The following PIK3C2G variants were observed in gnomAD, a reference collection of about 807,000 sequenced individuals.
PIK3C2G encodes phosphatidylinositol-4-phosphate 3-kinase catalytic subunit type 2 gamma.
Under a neutral mutation model 181.1 loss-of-function variants are expected in PIK3C2G, and 168 were observed. The observed-to-expected ratio is 0.93, with a 90% CI of 0.82 to 1.05. PIK3C2G has a LOEUF of 1.05. Ranked by LOEUF, PIK3C2G falls within the 50% of genes least tolerant of loss-of-function variation. The pLI is 0.00. For missense variants in PIK3C2G, 1,869 were observed against 1,732.8 expected, an observed-to-expected ratio of 1.08 and a Z score of -1.40; for synonymous variants, 573 against 592.2, an observed-to-expected ratio of 0.97 and a Z score of 0.47.
At chr12:18,691,399 A>C in the PIK3C2G span, among the ~76,000 whole-genome samples, 2 of 152,152 alleles carry the variant, frequency 1.3e-5, no homozygotes, top group African/African-American at 4.8e-5. Flanking sequence ...AATCATGTCC[A>C]ATTAAAGACT....
At chr12:18,498,289 T>C (rs1218853893) in intron 22 of PIK3C2G, among the ~76,000 whole-genome samples, 1 of 152,192 alleles carries the variant, frequency 6.6e-6, no homozygotes, top group Admixed American at 6.5e-5. Flanking sequence ...AAGAAATCAA[T>C]ATGAAAACAT....
chr12:18,503,572 T>G (rs190551274), intron 23 of PIK3C2G, among the ~76,000 whole-genome samples, 155 bp downstream of exon 23: 58 of 152,318 alleles, frequency 3.8e-4, no homozygotes, highest in African/African-American at 1.3e-3. Flanking sequence ...GTTTAAATGA[T>G]ATATTAACTA....
intron 24 of PIK3C2G, among the ~76,000 whole-genome samples, chr12:18,526,703 C>T (rs988593988): frequency 6.6e-6 from 1 of 152,086 alleles, no homozygotes; most frequent in Non-Finnish European, 1.5e-5. Context: ...ATGAAGTCTT[C>T]TGCCAGTCAC....
chr12:18,478,246 A>T (rs1212397862), intron 18 of PIK3C2G, among the ~76,000 whole-genome samples: 1 of 152,166 alleles, frequency 6.6e-6, no homozygotes, highest in African/African-American at 2.4e-5. Flanking sequence ...TTCCAGCATT[A>T]ATTATATATC....
chr12:18,667,647 C>T, the PIK3C2G span, among the ~76,000 whole-genome samples: 1 of 152,066 alleles, frequency 6.6e-6, no homozygotes, highest in Non-Finnish European at 1.5e-5. Context: ...TTATTGAAGA[C>T]CCAGTTTGTA....
rs139558305 is a variant in PIK3C2G, at chr12:18,525,220, G to A, written c.3324-12936G>A. 5.6e-3 allele frequency among the ~76,000 whole-genome samples: 845 copies of A among 151,790 alleles called. 4 individuals carry two copies. The highest frequency in any genetic ancestry group is 0.02 in the African/African-American group (820 of 41,450). ...AGCTGGGCCAACATGATAAAACCCC[G>A]TCCCTACTAAAAATACAAAAAATTA... On this transcript the variant is annotated intron_variant, in intron 24 of 32. Coordinates refer to ENST00000538779, the MANE Select transcript of PIK3C2G (RefSeq NM_001288772.2).
In PIK3C2G at chr12:18,431,069, T is replaced by A. The variant is rs541674458; in HGVS notation, c.2504+7030T>A. Among the ~76,000 whole-genome samples, 14 of 152,170 alleles carry A rather than the reference T, an allele frequency of 9.2e-5. No individual in the cohort carries two copies. The South Asian group carries it at 1.5e-3, about 16-fold the overall frequency. ...AAATTTGGCATCATGAGATTCAAAG[T>A]CACAGTTGTCTCTCTCACCCGCCTC... On this transcript the variant is annotated intron_variant, in intron 18 of 32. Coordinates refer to ENST00000538779, the MANE Select transcript of PIK3C2G (RefSeq NM_001288772.2).
At chr12:18,477,561 AAC>A (rs1939129949) in intron 18 of PIK3C2G, among the ~76,000 whole-genome samples, 1 of 152,202 alleles carries the variant, frequency 6.6e-6, no homozygotes, top group Non-Finnish European at 1.5e-5. Flanking sequence ...CTCATAGAAC[AAC>A]ACCAGTTTCT....
the PIK3C2G span, among the ~76,000 whole-genome samples, chr12:18,692,343 C>T: frequency 1.1e-4 from 17 of 152,042 alleles, no homozygotes; most frequent in African/African-American, 4.1e-4. Flanking sequence ...AATAGAACTG[C>T]TCATAAGTAA....
intron 13 of PIK3C2G, among the ~76,000 whole-genome samples, chr12:18,375,267 TA>T (rs759334038): frequency 1.3e-5 from 2 of 152,210 alleles, no homozygotes; most frequent in African/African-American, 2.4e-5. Context: ...CAGTTGGCAA[TA>T]AGGAACTTAT....
chr12:18,469,239 T>G (rs751790390), intron 18 of PIK3C2G, among the ~76,000 whole-genome samples: 2 of 152,104 alleles, frequency 1.3e-5, no homozygotes, highest in Non-Finnish European at 2.9e-5. Context: ...AATTTGGAGT[T>G]GCCTGAGAGA....
chr12:18,686,337 A>G, the PIK3C2G span, among the ~76,000 whole-genome samples: 1 of 152,094 alleles, frequency 6.6e-6, no homozygotes, highest in Non-Finnish European at 1.5e-5. Context: ...TCTAGAAAAA[A>G]GAAAGTTCCT....
At chr12:18,632,637 G>A (rs1949398389) in intron 31 of PIK3C2G, among the ~76,000 whole-genome samples, 2 of 152,140 alleles carry the variant, frequency 1.3e-5, no homozygotes, top group South Asian at 4.1e-4. Context: ...CTAAACTGGT[G>A]GTGTAGATCC....
intron 21 of PIK3C2G, among the ~76,000 whole-genome samples, chr12:18,496,941 C>T (rs964358): frequency 0.045 from 6,775 of 152,080 alleles, 479 homozygotes; most frequent in African/African-American, 0.15. Context: ...CAGGATTTTC[C>T]GTGTATAATT....
At chr12:18,586,915 A>G (rs1308248790) in intron 29 of PIK3C2G, among the ~76,000 whole-genome samples, 3 of 152,068 alleles carry the variant, frequency 2.0e-5, no homozygotes, top group Admixed American at 6.6e-5. Context: ...ATGCAAATCA[A>G]TAAATGTAAT....
intron 16 of PIK3C2G, among the ~76,000 whole-genome samples, chr12:18,420,176 C>A (rs1592214418): frequency 6.6e-6 from 1 of 152,084 alleles, no homozygotes; most frequent in East Asian, 1.9e-4. Flanking sequence ...AATGTCAAAG[C>A]AATATGGAGC....
the PIK3C2G span, among the ~76,000 whole-genome samples, chr12:18,670,843 CA>C: frequency 9.9e-5 from 15 of 152,170 alleles, no homozygotes; most frequent in South Asian, 2.1e-3. Flanking sequence ...TTTACTTGAT[CA>C]AATCAGTTAG....
chr12:18,662,549 A>G, the PIK3C2G span, among the ~76,000 whole-genome samples: 1 of 152,158 alleles, frequency 6.6e-6, no homozygotes, highest in African/African-American at 2.4e-5. Context: ...AAAGGTAAAT[A>G]CATGAACAAT....
At chr12:18,715,555 C>G in the PIK3C2G span, 1 of 152,150 alleles carries the variant, frequency 6.6e-6, no homozygotes, top group Non-Finnish European at 1.5e-5. Flanking sequence ...GCGCCCACCA[C>G]CACGCCTGGC....
Sources: allele counts gnomAD v4.1 joint callset (sites outside exome capture counted in the v4.1 genomes callset), GRCh38; gene constraint gnomAD v4.1.1; transcripts MANE v1.5; gene names NCBI Gene and HGNC (gene_info 2026-07-23, HGNC 2026-07-21).